The following ZZEF1 variants were observed in gnomAD, a reference collection of about 807,000 sequenced individuals.
ZZEF1 encodes the protein zinc finger ZZ-type and EF-hand domain-containing protein 1.
In ZZEF1, 157 loss-of-function variants were observed where a neutral mutation model predicts 342.8. That is an observed-to-expected ratio of 0.46 (90% CI 0.40 to 0.52). The LOEUF (loss-of-function observed/expected upper bound fraction) is 0.52, where lower values mean the gene tolerates loss of function less well. Ranked by LOEUF, ZZEF1 falls within the 20% of genes least tolerant of loss-of-function variation. The pLI, the probability that ZZEF1 is intolerant of heterozygous loss-of-function variation, is 0.00. For missense variants in ZZEF1, 3,480 were observed against 3,725.6 expected (o/e 0.93, Z 1.72); for synonymous variants, 1,505 against 1,429.1 (o/e 1.05, Z -1.20).
intron 54 of ZZEF1, among the ~76,000 whole-genome samples, chr17:4,007,777 C>T (rs1177736729): frequency 1.3e-5 from 2 of 152,090 alleles, no homozygotes; most frequent in Non-Finnish European, 2.9e-5. Context: ...CACTTCCGAG[C>T]GTACACGTCA....
chr17:4,012,573 G>A (rs990362362), intron 52 of ZZEF1, among the ~76,000 whole-genome samples: 1 of 152,160 alleles, frequency 6.6e-6, no homozygotes, highest in South Asian at 2.1e-4. Context: ...AACATATATG[G>A]CGCAGTCACT....
In ZZEF1 at chr17:4,005,995, G is replaced by A. The variant is rs1313678982; in HGVS notation, c.*895C>T. On this transcript the variant is annotated 3_prime_UTR_variant, in exon 55 of 55. Transcript: ENST00000381638. ...CAGAGTCCCAGAGGTGGGTATGACAGACTACCATGACTATCAAGCAGAAAT... is the reference window on the plus strand; with the variant it reads ...CAGAGTCCCAGAGGTGGGTATGACAAACTACCATGACTATCAAGCAGAAAT... The A allele has an allele frequency of 6.6e-6, 1 of 152,226 alleles. No individual in the cohort carries two copies. Among genetic ancestry groups the A allele is most frequent in the Non-Finnish European group, 1.5e-5 (1 of 68,066 alleles). 9.4% of individuals were successfully genotyped at this position (152,226 alleles called of 1,614,324 possible).
At chr17:4,034,907 A>G (rs1164831464) in intron 39 of ZZEF1, among the ~76,000 whole-genome samples, 1 of 152,108 alleles carries the variant, frequency 6.6e-6, no homozygotes, top group Non-Finnish European at 1.5e-5. Flanking sequence ...CTGAGGTGAG[A>G]GGATTGCTTG....
At chr17:4,083,797 C>T (rs1467458592) in intron 16 of ZZEF1, among the ~76,000 whole-genome samples, 1 of 152,132 alleles carries the variant, frequency 6.6e-6, no homozygotes, top group Admixed American at 6.5e-5. Context: ...GCCACCACGC[C>T]CGGCTTCCCT....
At chr17:4,046,119 G>A (rs1023386747) in intron 37 of ZZEF1, among the ~76,000 whole-genome samples, 1 of 152,150 alleles carries the variant, frequency 6.6e-6, no homozygotes, top group Non-Finnish European at 1.5e-5. Context: ...GAGCCACCAC[G>A]CCCGGCCTCT....
chr17:4,086,328 TGGG>T lies in ZZEF1; in HGVS notation c.2512+155_2512+157del, dbSNP rs1316551046. 3.7e-5 allele frequency among the ~76,000 whole-genome samples: 5 copies of T among 136,202 alleles called. No homozygotes were observed. In the South Asian group the frequency reaches 1.1e-3, roughly 30 times the overall value. The allele number at this position is 136,202 out of a possible 152,430, so 89.4% of individuals were successfully genotyped here. On this transcript the variant is annotated intron_variant, in intron 15 of 54. Coordinates refer to ENST00000381638, the MANE Select transcript of ZZEF1 (RefSeq NM_015113.4). Reference sequence around the variant, plus strand: ...GATTCCCACAGCGGCAATCCCTTTCTGGGGGATTCCCACAGCGGCAATCCCTTT... The same window carrying T: ...GATTCCCACAGCGGCAATCCCTTTCTGGATTCCCACAGCGGCAATCCCTTT...
At chr17:4,114,723 C>T (rs951131796) in intron 3 of ZZEF1, among the ~76,000 whole-genome samples, 2 of 152,168 alleles carry the variant, frequency 1.3e-5, no homozygotes, top group Admixed American at 1.3e-4. Flanking sequence ...CATATGTCAC[C>T]TTCCAAAGAA....
At chr17:4,066,785 A>T (rs1003612558) in intron 27 of ZZEF1, among the ~76,000 whole-genome samples, 3 of 152,176 alleles carry the variant, frequency 2.0e-5, no homozygotes, top group Non-Finnish European at 4.4e-5. Flanking sequence ...TAGAGAAATG[A>T]AGAGTCTTAC....
At chr17:4,051,857 T>C (rs2057054176) in intron 35 of ZZEF1, 114 bp downstream of exon 35, 4 of 1,110,908 alleles carry the variant, frequency 3.6e-6, no homozygotes, top group African/African-American at 1.6e-5. Flanking sequence ...TTACTTTTGG[T>C]TATGTTTAAA....
At chr17:4,125,774 G>A (rs1451290146) in intron 1 of ZZEF1, among the ~76,000 whole-genome samples, 1 of 152,126 alleles carries the variant, frequency 6.6e-6, no homozygotes, top group Non-Finnish European at 1.5e-5. Context: ...CCCTGTTGGG[G>A]GAATCTTAAG....
rs1308323050 is a variant in ZZEF1, at chr17:4,075,119, A to G, written c.3461T>C (p.Val1154Ala). ...CACCTTGGGCCATTTATCAGTGCCA[A>G]CTTTTGTGTCATAGCGTGTTTTCCG... The part of the protein sequence containing the change: ...RGRKTRYDTK[V>A]GTDKWPKKVT... The change falls in exon 23 of 55, where the codon GTT becomes GCT. Residue 1154 changes from valine to alanine, a missense_variant. Physicochemically the swap from Val to Ala is moderately conservative, Grantham distance 64 (BLOSUM62 0). Around this residue, in one of 5 missense-constraint regions of ZZEF1, gnomAD observed 1,528 missense variants for 1,624.1 expected, o/e 0.94. Transcript: ENST00000381638. The G allele has an allele frequency of 1.9e-5, 30 of 1,614,074 alleles. No individual in the cohort carries two copies. Among genetic ancestry groups the G allele is most frequent in the Non-Finnish European group, 2.5e-5 (30 of 1,180,036 alleles).
Position 4,070,714 on chromosome 17 carries a change from G to C in ZZEF1, c.4045C>G (p.Pro1349Ala). 2 of 1,613,812 alleles carry C rather than the reference G, an allele frequency of 1.2e-6. No individual in the cohort carries two copies. The highest frequency in any genetic ancestry group is 1.3e-5 in the African/African-American group (1 of 74,950). The change falls in exon 26 of 55, where the codon CCA becomes GCA. Residue 1349 changes from proline to alanine, a missense_variant. Pro to Ala is a conservative substitution (Grantham distance 27). Coordinates refer to ENST00000381638, the MANE Select transcript of ZZEF1 (RefSeq NM_015113.4). ...TTTTGCAGCTTCTCATATAAATCTG[G>C]AGTGCGATACACCAGAGCAGCAAAG... is the stretch of plus-strand genomic sequence containing the variant. ...ATFAALVYRT[P>A]DLYEKLQKYV...
Position 4,064,527 on chromosome 17 carries a change from A to G in ZZEF1, c.4552T>C (p.Ser1518Pro). The G allele has an allele frequency of 6.2e-7, 1 of 1,614,180 alleles. No individual in the cohort carries two copies. The highest frequency in any genetic ancestry group is 8.5e-7 in the Non-Finnish European group (1 of 1,180,034). Residue 1518 changes from serine (S) to proline (P), a missense_variant, in exon 29 of 55, where the codon TCA becomes CCA. Ser to Pro is a moderately conservative substitution (Grantham distance 74, BLOSUM62 -1). Around this residue, in one of 5 missense-constraint regions of ZZEF1, gnomAD observed 1,528 missense variants for 1,624.1 expected, o/e 0.94. Coordinates refer to ENST00000381638, the MANE Select transcript of ZZEF1 (RefSeq NM_015113.4). ...GGCCGGCGGGTGGGTGTGGAAGGTG[A>G]CAAGGGCTCTTCAGCTGTGGCAGGG... ...VSPATAEEPL[S>P]PSTPTRRPPF...
At chr17:4,113,579 C>T (rs905607739) in intron 4 of ZZEF1, among the ~76,000 whole-genome samples, 4 of 151,544 alleles carry the variant, frequency 2.6e-5, no homozygotes, top group Admixed American at 6.6e-5. Flanking sequence ...GCAGGAGAAT[C>T]GCTTGAGCCT....
In ZZEF1 at chr17:4,064,773, T is replaced by G; in HGVS notation, c.4306A>C (p.Ser1436Arg). 6.2e-7 allele frequency: 1 copy of G among 1,612,102 alleles called. No individual in the cohort carries two copies. The highest frequency in any genetic ancestry group is 8.5e-7 in the Non-Finnish European group (1 of 1,179,264). The change falls in exon 29 of 55, where the codon AGT becomes CGT. Residue 1436 changes from serine (S) to arginine (R), a missense_variant. Ser to Arg is a moderately radical substitution (Grantham distance 110). Around this residue, in one of 5 missense-constraint regions of ZZEF1, gnomAD observed 1,528 missense variants for 1,624.1 expected, o/e 0.94. Coordinates refer to ENST00000381638, the MANE Select transcript of ZZEF1 (RefSeq NM_015113.4). ...LLLKFLPTGI[S>R]SKESCEKLET... ...AACTTTTCGCAGCTTTCTTTTGAACTTATGCCCGTGGGCAGAAATTTTAGT... is the reference window on the plus strand; with the variant it reads ...AACTTTTCGCAGCTTTCTTTTGAACGTATGCCCGTGGGCAGAAATTTTAGT...
Position 4,006,220 on chromosome 17 carries a change from CTG to C in ZZEF1, c.*668_*669del, listed in dbSNP as rs2055797126. On this transcript the variant is annotated 3_prime_UTR_variant, in exon 55 of 55. Transcript: ENST00000381638. ...AAACTGAAATATGTCAAAACAACAA[CTG>C]AGGAACTGCGGCTGTGCTGCCTGGT... The C allele has an allele frequency of 6.5e-6, 1 of 154,524 alleles. No individual in the cohort carries two copies. Among genetic ancestry groups the C allele is most frequent in the African/African-American group, 2.4e-5 (1 of 41,472 alleles). 9.6% of individuals were successfully genotyped at this position (154,524 alleles called of 1,614,324 possible).
At chr17:4,113,686 G>A (rs536169772) in intron 4 of ZZEF1, among the ~76,000 whole-genome samples, 1 of 148,774 alleles carries the variant, frequency 6.7e-6, no homozygotes, top group East Asian at 2.0e-4. Context: ...AAGAAGTATA[G>A]AAAGGGACCG....
rs1406372458 is a variant in ZZEF1, at chr17:4,142,439, T to C, written c.354+103A>G. ...GGTGAAAAGCTGGAAACACCTCATATGGGTCCCCGCCTGGCCTCTCCAAAG... is the reference window on the plus strand; with the variant it reads ...GGTGAAAAGCTGGAAACACCTCATACGGGTCCCCGCCTGGCCTCTCCAAAG... On this transcript the variant is annotated intron_variant, in intron 1 of 54. Transcript: ENST00000381638. The C allele has an allele frequency of 4.0e-6, 5 of 1,240,358 alleles. No individual in the cohort carries two copies. The Admixed American group carries it at 1.1e-4, about 27-fold the overall frequency. 76.8% of individuals were successfully genotyped at this position (1,240,358 alleles called of 1,614,324 possible). A position where few individuals can be genotyped will look rare whatever the true frequency, so the allele number is the denominator to read the frequency against.
chr17:4,066,285 T>C (rs1224425503), intron 28 of ZZEF1, among the ~76,000 whole-genome samples, 162 bp downstream of exon 28: 1 of 152,262 alleles, frequency 6.6e-6, no homozygotes, highest in Non-Finnish European at 1.5e-5. Flanking sequence ...GGATTTTCTC[T>C]ATTTATGATA....
Sources: gnomAD v4.1 joint callset for allele counts (sites outside exome capture counted in the v4.1 genomes callset) on GRCh38, gnomAD v4.1.1 for gene constraint, gnomAD v4.1.1 regional missense constraint, MANE v1.5 for transcripts, NCBI Gene and HGNC (gene_info 2026-07-23, HGNC 2026-07-21) for gene names.